The following SCML2 variants were observed in gnomAD, a reference collection of about 807,000 sequenced individuals.
The protein encoded by SCML2 is Scm polycomb group protein like 2, also known as sex comb on midleg-like protein 2.
Under a neutral mutation model 48.4 loss-of-function variants are expected in SCML2, and 6 were observed. The ratio of observed to expected loss-of-function variants is 0.12; its 90% CI spans 0.07 to 0.24. The LOEUF (loss-of-function observed/expected upper bound fraction) is 0.24. Among genes scored for constraint, SCML2 ranks in the 10% least tolerant of loss-of-function variants. SCML2 has a pLI of 1.00. For synonymous variants in SCML2, 181 were observed against 189.5 expected, an observed-to-expected ratio of 0.95 and a Z score of 0.37; for missense variants, 377 against 528.2, an observed-to-expected ratio of 0.71 and a Z score of 2.81.
chrX:18,267,980 G>T (rs1490370717), intron 7 of SCML2, among the ~76,000 whole-genome samples: 1 of 112,152 alleles, frequency 8.9e-6, no homozygotes, highest in Non-Finnish European at 1.9e-5. Flanking sequence ...ACATGAGCTG[G>T]ATGTGGCCCT....
chrX:18,337,947 C>G (rs1290004511), intron 1 of SCML2, among the ~76,000 whole-genome samples: 1 of 111,792 alleles, frequency 8.9e-6, no homozygotes, highest in African/African-American at 3.3e-5. Context: ...AACTAGAAAT[C>G]AATAACAGAA....
chrX:18,331,200 C>G (rs781096785), intron 2 of SCML2, among the ~76,000 whole-genome samples: 1 of 87,013 alleles, frequency 1.1e-5, no homozygotes, highest in East Asian at 3.9e-4. Context: ...GCAGAGGTTG[C>G]AGTGAGCTGA....
intron 6 of SCML2, among the ~76,000 whole-genome samples, chrX:18,314,563 C>G (rs772165374): frequency 8.9e-6 from 1 of 111,830 alleles, no homozygotes; most frequent in Non-Finnish European, 1.9e-5. Flanking sequence ...CACCTCAACA[C>G]GTTCAAAACT....
At chrX:18,278,141 G>C (rs1927709921) in intron 7 of SCML2, among the ~76,000 whole-genome samples, 1 of 112,047 alleles carries the variant, frequency 8.9e-6, no homozygotes, top group Non-Finnish European at 1.9e-5. Flanking sequence ...CTGGGCAACA[G>C]AGTGAGACCC....
At chrX:18,348,374 A>C (rs772879669) in intron 1 of SCML2, among the ~76,000 whole-genome samples, 1 of 112,124 alleles carries the variant, frequency 8.9e-6, no homozygotes, top group Non-Finnish European at 1.9e-5. Flanking sequence ...GACAACAACA[A>C]TCCCCACTAG....
At chrX:18,306,889 G>A (rs979851924) in intron 6 of SCML2, among the ~76,000 whole-genome samples, 2 of 110,186 alleles carry the variant, frequency 1.8e-5, no homozygotes, top group African/African-American at 3.3e-5. Flanking sequence ...GGCTGGTCTC[G>A]AACTCCTGGC....
At chrX:18,285,652 T>A (rs1337445630) in intron 7 of SCML2, among the ~76,000 whole-genome samples, 1 of 111,462 alleles carries the variant, frequency 9.0e-6, no homozygotes, top group Non-Finnish European at 1.9e-5. Context: ...ATGTACCGTC[T>A]GTATCTAAAA....
At position 18,240,978 on chromosome X, in the gene SCML2, TAAA is replaced by T. The variant is rs1926243852; in HGVS notation, c.*270_*272del. 1 of 140,157 alleles carries T rather than the reference TAAA, an allele frequency of 7.1e-6. No individual in the cohort carries two copies. The highest frequency in any genetic ancestry group is 3.1e-5 in the African/African-American group (1 of 32,085). 11.6% of individuals were successfully genotyped at this position (140,157 alleles called of 1,213,427 possible). On this transcript the variant is annotated 3_prime_UTR_variant, in exon 15 of 15. Transcript: ENST00000251900. ...TGTACAATGAAAATTTAAAAAGACA[TAAA>T]GAACTGCCAATTTGAATATGCCAAT...
chrX:18,257,921 G>T, intron 10 of SCML2, 123 bp downstream of exon 10: 1 of 437,964 alleles, frequency 2.3e-6, no homozygotes, highest in South Asian at 3.3e-5. Flanking sequence ...AAAGGGCGGG[G>T]GAGGGGGAAG....
chrX:18,314,828 C>G (rs1410274271), intron 6 of SCML2, among the ~76,000 whole-genome samples: 1 of 111,346 alleles, frequency 9.0e-6, no homozygotes, highest in African/African-American at 3.3e-5. Flanking sequence ...GTGGCTCACA[C>G]CTGTAATCCC....
intron 4 of SCML2, 84 bp downstream of exon 4, chrX:18,324,823 A>T (rs1755081219): frequency 1.4e-6 from 1 of 701,210 alleles, no homozygotes; most frequent in Non-Finnish European, 2.2e-6. Flanking sequence ...ATCTCCTCAC[A>T]CTACCAGAAT....
intron 7 of SCML2, among the ~76,000 whole-genome samples, chrX:18,274,353 G>A (rs1927559542): frequency 8.9e-6 from 1 of 111,864 alleles, no homozygotes; most frequent in African/African-American, 3.3e-5. Context: ...GTTTGCCCCT[G>A]CCGGCACCAA....
chrX:18,309,045 C>T (rs1435035125), intron 6 of SCML2, among the ~76,000 whole-genome samples: 1 of 109,853 alleles, frequency 9.1e-6, no homozygotes, highest in Non-Finnish European at 1.9e-5. Context: ...CCTGTCTCTA[C>T]GAATAATACA....
rs750375939 is a variant in SCML2, at chrX:18,347,359, C to A, written c.-25+7233G>T. Among the ~76,000 whole-genome samples the A allele has an allele frequency of 2.8e-5, 3 of 108,626 alleles. No individual in the cohort carries two copies. In the South Asian group the frequency reaches 1.2e-3, roughly 45 times the overall value. 94.3% of individuals were successfully genotyped at this position (108,626 alleles called of 115,157 possible). ...ACCTGGCAGGCTGAGACAGGAGAAT[C>A]GCTTGAATCTGGGAGGGGGAGGTTG... On this transcript the variant is annotated intron_variant, in intron 1 of 14. Coordinates refer to ENST00000251900, the MANE Select transcript of SCML2 (RefSeq NM_006089.3).
intron 8 of SCML2, among the ~76,000 whole-genome samples, 163 bp downstream of exon 8, chrX:18,265,422 T>C (rs956215661): frequency 1.8e-5 from 2 of 112,762 alleles, no homozygotes; most frequent in African/African-American, 6.4e-5. Flanking sequence ...AGCAAAGAAA[T>C]AACAATCTAT....
At chrX:18,265,030 G>A (rs746806803) in intron 8 of SCML2, among the ~76,000 whole-genome samples, 20 of 111,917 alleles carry the variant, frequency 1.8e-4, no homozygotes, top group Non-Finnish European at 2.8e-4. Context: ...GGTACACAAA[G>A]TGTACTTGAC....
chrX:18,337,500 A>G (rs1484871982), intron 1 of SCML2, among the ~76,000 whole-genome samples: 2 of 110,230 alleles, frequency 1.8e-5, no homozygotes, highest in Non-Finnish European at 3.8e-5. Context: ...ACTTGAGAGC[A>G]AGGAAAGTTA....
intron 7 of SCML2, among the ~76,000 whole-genome samples, chrX:18,281,983 C>T (rs1401094688): frequency 3.7e-5 from 4 of 109,320 alleles, no homozygotes; most frequent in Admixed American, 9.8e-5. Flanking sequence ...ATTAGCTGGG[C>T]GTGGTGGCGT....
intron 3 of SCML2, among the ~76,000 whole-genome samples, chrX:18,327,365 C>T (rs1327116004): frequency 1.8e-5 from 2 of 111,218 alleles, no homozygotes; most frequent in East Asian, 2.8e-4. Flanking sequence ...GGGGAGACTC[C>T]GTCTCAACAA....
Sources: gnomAD v4.1 joint callset for allele counts (sites outside exome capture counted in the v4.1 genomes callset) on GRCh38, gnomAD v4.1.1 for gene constraint, MANE v1.5 for transcripts, NCBI Gene and HGNC (gene_info 2026-07-23, HGNC 2026-07-21) for gene names.